C1orf21: variants seen among roughly 807,000 people sequenced by gnomAD.
The protein encoded by C1orf21 is chromosome 1 open reading frame 21.
C1orf21 carries 3 observed loss-of-function variants against 18.7 expected under a neutral mutation model. The observed-to-expected ratio is 0.16, with a 90% confidence interval of 0.07 to 0.42. C1orf21 has a LOEUF of 0.42. C1orf21 is among the 10% of genes least tolerant of loss of function. C1orf21 has a pLI of 0.99. For missense variants in C1orf21, 104 were observed against 143.6 expected (o/e 0.72, Z 1.41); for synonymous variants, 41 against 46.4 (o/e 0.88, Z 0.47).
chr1:184,411,416 CTTTTTTT>C (rs1199251450), intron 1 of C1orf21, among the ~76,000 whole-genome samples: 2 of 95,680 alleles, frequency 2.1e-5, no homozygotes, highest in African/African-American at 1.0e-4. Context: ...TGGGTATTTC[CTTTTTTT>C]TTTTTTTTTT....
chr1:184,498,060 G>T (rs1360042867), intron 2 of C1orf21, among the ~76,000 whole-genome samples: 1 of 151,910 alleles, frequency 6.6e-6, no homozygotes, highest in African/African-American at 2.4e-5. Context: ...ATTCTATGCC[G>T]CTCATTAGCT....
At chr1:184,452,847 C>G (rs545845229) in intron 1 of C1orf21, among the ~76,000 whole-genome samples, 67 of 152,228 alleles carry the variant, frequency 4.4e-4, no homozygotes, top group African/African-American at 1.5e-3. Context: ...ATGACCGGCT[C>G]TGTTTGATGA....
intron 5 of C1orf21, among the ~76,000 whole-genome samples, chr1:184,601,628 C>T (rs760219082): frequency 1.1e-4 from 16 of 152,210 alleles, no homozygotes; most frequent in Non-Finnish European, 2.2e-4. Context: ...TTCAGCCAGG[C>T]GCGGTGGCTC....
At chr1:184,423,857 T>TCATC (rs1553248964) in intron 1 of C1orf21, among the ~76,000 whole-genome samples, 1 of 130,122 alleles carries the variant, frequency 7.7e-6, no homozygotes, top group African/African-American at 3.3e-5. Context: ...CATCCACCCA[T>TCATC]CGTCCATCCA....
intron 3 of C1orf21, among the ~76,000 whole-genome samples, chr1:184,565,893 C>T (rs1045101546): frequency 2.0e-5 from 3 of 152,042 alleles, no homozygotes; most frequent in Non-Finnish European, 4.4e-5. Flanking sequence ...AATATTTTAA[C>T]CAATCTGTGT....
At chr1:184,581,734 C>G (rs1273541762) in intron 3 of C1orf21, among the ~76,000 whole-genome samples, 1 of 152,116 alleles carries the variant, frequency 6.6e-6, no homozygotes, top group African/African-American at 2.4e-5. Context: ...CAATTTTTTA[C>G]AACTCTGTTT....
chr1:184,468,091 C>A lies in C1orf21; in HGVS notation c.-124-9295C>A, dbSNP rs184932499. On this transcript the variant is annotated intron_variant, in intron 1 of 5. Coordinates refer to ENST00000235307, the MANE Select transcript of C1orf21 (RefSeq NM_030806.4). ...GAGAATGAGACAAAGTCCTTCCCCC[C>A]AAAAAGAGGGTTTTATGTTTACTTT... Among the ~76,000 whole-genome samples the A allele has an allele frequency of 2.6e-3, 394 of 152,060 alleles. 3 individuals carry two copies. Among genetic ancestry groups the A allele is most frequent in the African/African-American group, 8.8e-3 (367 of 41,474 alleles).
intron 3 of C1orf21, among the ~76,000 whole-genome samples, chr1:184,580,635 G>T (rs898940345): frequency 6.6e-6 from 1 of 152,162 alleles, no homozygotes; most frequent in Non-Finnish European, 1.5e-5. Context: ...TCTTTGGGAC[G>T]TTGTCCCCAT....
chr1:184,560,900 A>G (rs189378350), intron 3 of C1orf21, among the ~76,000 whole-genome samples: 140 of 152,346 alleles, frequency 9.2e-4, no homozygotes, highest in Admixed American at 3.3e-3. Flanking sequence ...TTAATGAATC[A>G]ATAGGAATTA....
At chr1:184,391,709 CTT>C (rs1466047529) in intron 1 of C1orf21, among the ~76,000 whole-genome samples, 5 of 151,538 alleles carry the variant, frequency 3.3e-5, no homozygotes, top group Admixed American at 3.3e-4. Flanking sequence ...ATTGAAATTT[CTT>C]TCTTTCTTTT....
rs1027168155 is a variant in C1orf21 at position 184,625,237 on chromosome 1, T to C, written c.*5681T>C. The C allele has an allele frequency of 2.8e-4, 42 of 152,306 alleles. No homozygotes were observed. Among genetic ancestry groups the C allele is most frequent in the African/African-American group, 1.0e-3 (42 of 41,452 alleles). 9.4% of individuals were successfully genotyped at this position (152,306 alleles called of 1,614,324 possible). ...CTTAGAGGCAGTATAAAGAACACCA[T>C]AAACTTAGGCAGAGGTCCCTTAGGG... On this transcript the variant is annotated 3_prime_UTR_variant, in exon 6 of 6. Coordinates refer to ENST00000235307, the MANE Select transcript of C1orf21 (RefSeq NM_030806.4).
intron 3 of C1orf21, among the ~76,000 whole-genome samples, chr1:184,545,297 C>T (rs577673251): frequency 1.4e-4 from 22 of 152,124 alleles, no homozygotes; most frequent in African/African-American, 5.3e-4. Flanking sequence ...AATAAAAAAT[C>T]TGTATGTGCA....
At chr1:184,468,761 A>G (rs1299260964) in intron 1 of C1orf21, among the ~76,000 whole-genome samples, 1 of 151,948 alleles carries the variant, frequency 6.6e-6, no homozygotes, top group East Asian at 1.9e-4. Flanking sequence ...TCTACTGAAA[A>G]TACAAAAATT....
intron 4 of C1orf21, among the ~76,000 whole-genome samples, chr1:184,595,769 A>C (rs191149001): frequency 6.6e-6 from 1 of 152,314 alleles, no homozygotes; most frequent in Non-Finnish European, 1.5e-5. Flanking sequence ...TGTCTGGTGC[A>C]TCAAGCTTCC....
chr1:184,427,758 C>G (rs1237382766), intron 1 of C1orf21, among the ~76,000 whole-genome samples: 1 of 152,178 alleles, frequency 6.6e-6, no homozygotes, highest in Non-Finnish European at 1.5e-5. Context: ...CTTACCTTTT[C>G]CATCTTTGCC....
chr1:184,425,938 T>C (rs919127813), intron 1 of C1orf21, among the ~76,000 whole-genome samples: 1 of 152,262 alleles, frequency 6.6e-6, no homozygotes, highest in African/African-American at 2.4e-5. Flanking sequence ...TTTATGACTC[T>C]TCCCCTTCAG....
intron 3 of C1orf21, among the ~76,000 whole-genome samples, chr1:184,551,917 C>T (rs1388515743): frequency 6.9e-6 from 1 of 145,436 alleles, no homozygotes; most frequent in African/African-American, 2.6e-5. Context: ...GTAATTGAGC[C>T]TGGGTGACAG....
intron 1 of C1orf21, among the ~76,000 whole-genome samples, chr1:184,411,247 T>C (rs973504698): frequency 2.0e-5 from 3 of 152,110 alleles, no homozygotes; most frequent in Admixed American, 1.3e-4. Flanking sequence ...TTGGGGGACA[T>C]TATTCCCTTA....
At chr1:184,535,427 G>A (rs1658536480) in intron 3 of C1orf21, among the ~76,000 whole-genome samples, 1 of 152,120 alleles carries the variant, frequency 6.6e-6, no homozygotes, top group South Asian at 2.1e-4. Flanking sequence ...TGTACCCAAA[G>A]CTTAAACCAA....
Sources: gnomAD v4.1 joint callset for allele counts (sites outside exome capture counted in the v4.1 genomes callset) on GRCh38, gnomAD v4.1.1 for gene constraint, MANE v1.5 for transcripts, NCBI Gene and HGNC (gene_info 2026-07-23, HGNC 2026-07-21) for gene names.